NDFIP2: variants seen among roughly 807,000 people sequenced by gnomAD.
The protein encoded by NDFIP2 is NEDD4 family-interacting protein 2.
A neutral mutation model predicts 36.0 loss-of-function variants in NDFIP2; 19 were observed. The observed-to-expected ratio is 0.53, with a 90% confidence interval of 0.37 to 0.77. The LOEUF is 0.77. Ranked by LOEUF, NDFIP2 falls within the 30% of genes least tolerant of loss-of-function variation. The probability of loss-of-function intolerance (pLI) is 0.00; values close to 1 mark genes in which losing one functional copy is unlikely to be tolerated. For synonymous variants in NDFIP2, 181 were observed against 167.7 expected (o/e 1.08, Z -0.61); for missense variants, 446 against 435.8 (o/e 1.02, Z -0.21).
intron 6 of NDFIP2, 69 bp downstream of exon 6, chr13:79,548,463 G>T: frequency 8.6e-7 from 1 of 1,159,266 alleles, no homozygotes. Flanking sequence ...TAAATAAACT[G>T]TGTTGCAATT....
At chr13:79,496,163 C>T (rs1873427331) in intron 1 of NDFIP2, among the ~76,000 whole-genome samples, 1 of 151,850 alleles carries the variant, frequency 6.6e-6, no homozygotes, top group South Asian at 2.1e-4. Context: ...ACACGTTTCC[C>T]TGTATTATTA....
chr13:79,521,652 T>G (rs1874587236), intron 2 of NDFIP2, among the ~76,000 whole-genome samples: 1 of 152,180 alleles, frequency 6.6e-6, no homozygotes, highest in African/African-American at 2.4e-5. Flanking sequence ...GCTCTCAAAT[T>G]AATGCCAGCT....
At chr13:79,513,019 G>A (rs890038581) in intron 1 of NDFIP2, among the ~76,000 whole-genome samples, 2 of 152,148 alleles carry the variant, frequency 1.3e-5, no homozygotes, top group African/African-American at 4.8e-5. Flanking sequence ...AATTAGCTTG[G>A]TTAATTTACA....
At chr13:79,486,049 A>G (rs1872971053) in intron 1 of NDFIP2, among the ~76,000 whole-genome samples, 1 of 152,154 alleles carries the variant, frequency 6.6e-6, no homozygotes, top group African/African-American at 2.4e-5. Flanking sequence ...GGAAAATACC[A>G]CATGTACGTA....
rs17071596 is a variant in NDFIP2 at position 79,548,214 on chromosome 13, C to T, written c.841-114C>T. 0.012 allele frequency: 9,216 copies of T among 796,478 alleles called. 639 individuals are homozygous for T. In the African/African-American group the frequency reaches 0.15, roughly 13 times the overall value. The allele number at this position is 796,478 out of a possible 1,614,324, so 49.3% of individuals were successfully genotyped here. A position where few individuals can be genotyped will look rare whatever the true frequency, so the allele number is the denominator to read the frequency against. On this transcript the variant is annotated intron_variant, in intron 5 of 7. Transcript: ENST00000218652. Reference sequence around the variant, plus strand: ...AAGTGTTTTTATTTTTCCTTTGTGCCATTTTTAAGTGTTAAAGATTATTTG... The same window carrying T: ...AAGTGTTTTTATTTTTCCTTTGTGCTATTTTTAAGTGTTAAAGATTATTTG...
chr13:79,525,334 A>G (rs894252026), intron 2 of NDFIP2, among the ~76,000 whole-genome samples: 4 of 152,268 alleles, frequency 2.6e-5, no homozygotes, highest in African/African-American at 9.6e-5. Context: ...GAGATGTGAC[A>G]GCAGAACTAG....
intron 1 of NDFIP2, among the ~76,000 whole-genome samples, chr13:79,492,429 A>T (rs1261168871): frequency 6.6e-6 from 1 of 151,860 alleles, no homozygotes; most frequent in Non-Finnish European, 1.5e-5. Flanking sequence ...TTTGAGGCAG[A>T]GTCTCGCTGT....
At chr13:79,503,550 A>T (rs1469992667) in intron 1 of NDFIP2, among the ~76,000 whole-genome samples, 5 of 152,176 alleles carry the variant, frequency 3.3e-5, no homozygotes, top group African/African-American at 1.2e-4. Flanking sequence ...GGTTGGGATA[A>T]GGAACCAAGT....
intron 1 of NDFIP2, among the ~76,000 whole-genome samples, chr13:79,490,498 G>A (rs531336152): frequency 6.6e-6 from 1 of 152,088 alleles, no homozygotes; most frequent in Admixed American, 6.5e-5. Flanking sequence ...TTCTGTAAAG[G>A]GCTAGATAGT....
chr13:79,509,686 T>G (rs200265441), intron 1 of NDFIP2, among the ~76,000 whole-genome samples: 174 of 110,924 alleles, frequency 1.6e-3, no homozygotes, highest in East Asian at 6.3e-3. Flanking sequence ...GATATATATA[T>G]ATATAGAGAG....
Position 79,526,723 on chromosome 13 carries a change from A to C in NDFIP2, c.487+5748A>C, listed in dbSNP as rs538813339. Among the ~76,000 whole-genome samples the C allele has an allele frequency of 4.6e-5, 7 of 152,332 alleles. No individual in the cohort carries two copies. In the East Asian group the frequency reaches 1.3e-3, roughly 29 times the overall value. On this transcript the variant is annotated intron_variant, in intron 2 of 7. Coordinates refer to ENST00000218652, the MANE Select transcript of NDFIP2 (RefSeq NM_019080.3). ...AATATTCTAGAAGCCAAGAGAGGAG[A>C]GAATTTTAAAAAGAAGTGGCTGGTC... is the stretch of plus-strand genomic sequence containing the variant.
At chr13:79,506,786 A>G (rs1873884392) in intron 1 of NDFIP2, among the ~76,000 whole-genome samples, 1 of 152,084 alleles carries the variant, frequency 6.6e-6, no homozygotes, top group African/African-American at 2.4e-5. Context: ...ATAATTTCAT[A>G]ATTATGGGAT....
chr13:79,523,591 TAAC>T (rs1212996019), intron 2 of NDFIP2, among the ~76,000 whole-genome samples: 1 of 152,142 alleles, frequency 6.6e-6, no homozygotes, highest in Admixed American at 6.5e-5. Flanking sequence ...AGTAAGAGAT[TAAC>T]AACAACTAAT....
intron 1 of NDFIP2, among the ~76,000 whole-genome samples, chr13:79,499,920 A>G (rs187477210): frequency 6.6e-6 from 1 of 152,078 alleles, no homozygotes; most frequent in Admixed American, 6.6e-5. Flanking sequence ...CTCAATATTA[A>G]AGGAGAAGAA....
chr13:79,544,630 A>G (rs898454349), intron 5 of NDFIP2, among the ~76,000 whole-genome samples: 1 of 152,124 alleles, frequency 6.6e-6, no homozygotes, highest in African/African-American at 2.4e-5. Context: ...CATACATTCT[A>G]CATTTAAACA....
intron 4 of NDFIP2, among the ~76,000 whole-genome samples, chr13:79,542,844 C>G (rs2065743): frequency 0.63 from 95,285 of 151,608 alleles, 31,639 homozygotes; most frequent in African/African-American, 0.84. Flanking sequence ...AAGTATTTGT[C>G]AAGTATTCAA....
At chr13:79,481,644 T>G (rs2140724082) in intron 1 of NDFIP2, 120 bp downstream of exon 1, 1 of 1,274,202 alleles carries the variant, frequency 7.8e-7, no homozygotes, top group Non-Finnish European at 1.1e-6. Flanking sequence ...TGTTTTGTTT[T>G]GTTTTTTTGG....
rs1477789807 is a variant in NDFIP2 at position 79,481,515 on chromosome 13, C to G, written c.312C>G (p.Arg104=). The G allele has an allele frequency of 7.1e-6, 11 of 1,550,274 alleles. No individual in the cohort carries two copies. The highest frequency in any genetic ancestry group is 8.7e-6 in the Non-Finnish European group (10 of 1,146,974). ...ATCACCACCAGCCGGGGACTGGGCG[C>G]TACCAGGTGGTGAGTTCCCGGCCTC... ...RMDHHQPGTG[R]YQVLLNEEDN... is the part of the protein sequence containing the mutation. The change falls in exon 1 of 8, where the codon CGC becomes CGG. Residue 104 remains arginine, a synonymous_variant. Coordinates refer to ENST00000218652, the MANE Select transcript of NDFIP2 (RefSeq NM_019080.3).
chr13:79,518,793 ATCTTTCTTTTTTCTT>A (rs929400236), intron 1 of NDFIP2, among the ~76,000 whole-genome samples: 3 of 152,122 alleles, frequency 2.0e-5, no homozygotes, highest in African/African-American at 7.2e-5. Flanking sequence ...TTACATGCTG[ATCTTTCTTTTTTCTT>A]TCTTTCTTTT....
Sources: gnomAD v4.1 joint callset for allele counts (sites outside exome capture counted in the v4.1 genomes callset) on GRCh38, gnomAD v4.1.1 for gene constraint, MANE v1.5 for transcripts, NCBI Gene and HGNC (gene_info 2026-07-23, HGNC 2026-07-21) for gene names.